FOXK2: variants seen among roughly 807,000 people sequenced by gnomAD.
FOXK2 encodes forkhead box protein K2.
Under a neutral mutation model 53.3 loss-of-function variants are expected in FOXK2, and 24 were observed. The ratio of observed to expected loss-of-function variants is 0.45; its 90% CI spans 0.33 to 0.63. The LOEUF (loss-of-function observed/expected upper bound fraction) is 0.63. FOXK2 is among the 30% of genes least tolerant of loss of function. The pLI is 0.03. For synonymous variants in FOXK2, 505 were observed against 407.1 expected (o/e 1.24, Z -2.89); for missense variants, 952 against 910.5 (o/e 1.05, Z -0.59).
intron 3 of FOXK2, among the ~76,000 whole-genome samples, chr17:82,570,679 G>A (rs964742684): frequency 1.3e-5 from 2 of 152,222 alleles, no homozygotes; most frequent in African/African-American, 4.8e-5. Context: ...AAAACTCCAT[G>A]TATATAGTAT....
intron 1 of FOXK2, among the ~76,000 whole-genome samples, chr17:82,530,185 A>G (rs1350956956): frequency 6.6e-6 from 1 of 152,154 alleles, no homozygotes; most frequent in Admixed American, 6.6e-5. Context: ...ATTTGGACAG[A>G]TGGAATATAG....
intron 1 of FOXK2, among the ~76,000 whole-genome samples, chr17:82,524,471 A>T (rs2044397908): frequency 6.6e-6 from 1 of 152,196 alleles, no homozygotes; most frequent in South Asian, 2.1e-4. Context: ...GAGGACTATG[A>T]TCCTGTCCTT....
chr17:82,596,086 A>G (rs980784413), intron 8 of FOXK2: 1 of 935,644 alleles, frequency 1.1e-6, no homozygotes, highest in Non-Finnish European at 1.3e-6. Context: ...TTGTAGACAC[A>G]TTAGAGTCGG....
Position 82,601,342 on chromosome 17 carries a change from C to A in FOXK2, c.1826C>A (p.Ser609Tyr). ...SPLHMLATHA[S>Y]ASASLPTKRH... is the part of the protein sequence containing the mutation. ...TTGCACATGTTGGCAACACACGCAT[C>A]CGCATCGGCCTCCCTGCCCACAAAG... The change falls in exon 9 of 9, where the codon TCC (serine) becomes TAC (tyrosine). Residue 609 changes from serine to tyrosine, a missense_variant. This residue lies in a region of FOXK2 where 551 missense variants were observed against 385.1 expected (regional missense o/e 1.43). Coordinates refer to ENST00000335255, the MANE Select transcript of FOXK2 (RefSeq NM_004514.4). 6.2e-7 allele frequency: 1 copy of A among 1,613,276 alleles called. No homozygotes were observed. Among genetic ancestry groups the A allele is most frequent in the Non-Finnish European group, 8.5e-7 (1 of 1,180,028 alleles).
intron 1 of FOXK2, among the ~76,000 whole-genome samples, chr17:82,521,984 A>T (rs1223730024): frequency 6.7e-6 from 1 of 148,588 alleles, no homozygotes; most frequent in Non-Finnish European, 1.5e-5. Context: ...ATGTGTGTTT[A>T]TACTGTAGAC....
chr17:82,573,914 TG>T lies in FOXK2; in HGVS notation c.909+2046del, dbSNP rs1442494558. On this transcript the variant is annotated intron_variant, in intron 4 of 8. Coordinates refer to ENST00000335255, the MANE Select transcript of FOXK2 (RefSeq NM_004514.4). ...TAAAGAGGGTGGCTGGATAAAGGCC[TG>T]GCCTCAGTTTTGGGGGGGCCCAAGT... Among the ~76,000 whole-genome samples, 20 of 152,344 alleles carry T rather than the reference TG, an allele frequency of 1.3e-4. No homozygotes were observed. In the South Asian group the frequency reaches 3.5e-3, roughly 27 times the overall value.
intron 1 of FOXK2, among the ~76,000 whole-genome samples, chr17:82,558,068 C>A (rs967279104): frequency 1.8e-4 from 27 of 152,284 alleles, no homozygotes; most frequent in African/African-American, 6.3e-4. Context: ...TACAGTGGCC[C>A]ATGCCTGTGC....
At chr17:82,531,496 C>T (rs1368037344) in intron 1 of FOXK2, among the ~76,000 whole-genome samples, 1 of 152,060 alleles carries the variant, frequency 6.6e-6, no homozygotes, top group African/African-American at 2.4e-5. Flanking sequence ...CATTGTTGTG[C>T]GAACATCATA....
intron 1 of FOXK2, among the ~76,000 whole-genome samples, chr17:82,524,473 C>A (rs745751972): frequency 2.0e-5 from 3 of 152,080 alleles, no homozygotes; most frequent in Non-Finnish European, 4.4e-5. Context: ...GGACTATGAT[C>A]CTGTCCTTGT....
At chr17:82,563,751 C>CTTT (rs1491377208) in intron 2 of FOXK2, among the ~76,000 whole-genome samples, 1 of 132,158 alleles carries the variant, frequency 7.6e-6, no homozygotes. Context: ...TACTCATTCC[C>CTTT]TTTTTTTTTT....
chr17:82,586,182 G>A lies in FOXK2; in HGVS notation c.1558G>A (p.Asp520Asn), dbSNP rs1472119768. 3.8e-6 allele frequency: 6 copies of A among 1,592,924 alleles called. No homozygotes were observed. The African/African-American group carries it at 8.2e-5, about 22-fold the overall frequency. ...PPKAEAQENG[D>N]HREVKVKVEP... is the part of the protein sequence containing the mutation. ...TAAGGCAGAGGCCCAGGAGAATGGA[G>A]ACCACAGGGAAGTCAAAGGTAGGCG... The change falls in exon 7 of 9, where the codon GAC (aspartate) becomes AAC (asparagine). Residue 520 changes from aspartate (D) to asparagine (N), a missense_variant. By Grantham distance (23) the Asp-to-Asn change is conservative (BLOSUM62 1). Transcript: ENST00000335255.
At chr17:82,527,191 C>A (rs192470455) in intron 1 of FOXK2, among the ~76,000 whole-genome samples, 1 of 152,128 alleles carries the variant, frequency 6.6e-6, no homozygotes, top group Non-Finnish European at 1.5e-5. Context: ...GTGTACAAAT[C>A]AGTTGCCTTT....
chr17:82,535,095 G>T (rs1056041462), intron 1 of FOXK2, among the ~76,000 whole-genome samples: 1 of 152,160 alleles, frequency 6.6e-6, no homozygotes, highest in East Asian at 1.9e-4. Context: ...GGTTAGGCTG[G>T]TCTCGAACTC....
chr17:82,541,619 A>T (rs1055566089), intron 1 of FOXK2, among the ~76,000 whole-genome samples: 11 of 152,292 alleles, frequency 7.2e-5, no homozygotes, highest in Non-Finnish European at 1.5e-4. Context: ...CTTGTGTGAC[A>T]ATCAGATATG....
chr17:82,594,735 C>T (rs2045292814), intron 8 of FOXK2, among the ~76,000 whole-genome samples: 1 of 152,114 alleles, frequency 6.6e-6, no homozygotes, highest in Non-Finnish European at 1.5e-5. Flanking sequence ...CGCAGAGGAA[C>T]TTAGTTCTTT....
intron 8 of FOXK2, chr17:82,596,190 A>AGGTCAGTTCC (rs1382467109): frequency 1.0e-6 from 1 of 995,238 alleles, no homozygotes; most frequent in African/African-American, 1.7e-5. Context: ...CACCAACTGC[A>AGGTCAGTTCC]GGTCAGTTCC....
chr17:82,561,710 AC>A (rs1280253607), intron 1 of FOXK2, among the ~76,000 whole-genome samples: 1 of 151,964 alleles, frequency 6.6e-6, no homozygotes, highest in East Asian at 1.9e-4. Context: ...GTCCTTCCCG[AC>A]CCCGGCTAGA....
chr17:82,569,689 A>G (rs2044892038), intron 3 of FOXK2, among the ~76,000 whole-genome samples: 1 of 152,216 alleles, frequency 6.6e-6, no homozygotes, highest in Non-Finnish European at 1.5e-5. Flanking sequence ...AGGCACAGTG[A>G]CGAAGGCTTT....
At chr17:82,597,306 G>A (rs993204085) in intron 8 of FOXK2, among the ~76,000 whole-genome samples, 1 of 152,218 alleles carries the variant, frequency 6.6e-6, no homozygotes, top group Non-Finnish European at 1.5e-5. Context: ...GCACGTGTGG[G>A]CCTCATCAGG....
Sources: gnomAD v4.1 joint callset for allele counts (sites outside exome capture counted in the v4.1 genomes callset) on GRCh38, gnomAD v4.1.1 for gene constraint, gnomAD v4.1.1 regional missense constraint, MANE v1.5 for transcripts, NCBI Gene and HGNC (gene_info 2026-07-23, HGNC 2026-07-21) for gene names.